The following TRAPPC12 variants were observed in gnomAD, a reference collection of about 807,000 sequenced individuals.
The protein encoded by TRAPPC12 is TPR repeat protein 15.
Under a neutral mutation model 69.2 loss-of-function variants are expected in TRAPPC12, and 61 were observed. The observed-to-expected ratio is 0.88, with a 90% CI of 0.72 to 1.09. The LOEUF (loss-of-function observed/expected upper bound fraction) is 1.09. Ranked by LOEUF, TRAPPC12 falls within the 50% of genes least tolerant of loss-of-function variation. The pLI is 0.00. For synonymous variants in TRAPPC12, 469 were observed against 438.9 expected (o/e 1.07, Z -0.86); for missense variants, 1,101 against 1,016.4 (o/e 1.08, Z -1.13).
rs116024234 is a variant in TRAPPC12, at chr2:3,451,491, A to G, written c.1531-6130A>G. ...AGAGATGAGCTCATGCTGATACCCAATGAAGAACCCAGTTCAGAATTTTCT... is the reference window on the plus strand; with the variant it reads ...AGAGATGAGCTCATGCTGATACCCAGTGAAGAACCCAGTTCAGAATTTTCT... On this transcript the variant is annotated intron_variant, in intron 6 of 11. Transcript: ENST00000324266. Among the ~76,000 whole-genome samples, 530 of 152,244 alleles carry G rather than the reference A, an allele frequency of 3.5e-3. 9 individuals carry two copies. Among genetic ancestry groups the G allele is most frequent in the African/African-American group, 0.012 (505 of 41,562 alleles).
chr2:3,386,723 G>A (rs1484774941), intron 1 of TRAPPC12, among the ~76,000 whole-genome samples: 2 of 152,204 alleles, frequency 1.3e-5, no homozygotes, highest in East Asian at 3.9e-4. Context: ...GGGTAGGGGC[G>A]GACGGCATGG....
chr2:3,479,103 T>C, intron 11 of TRAPPC12, 116 bp from the exon 12 acceptor site: 1 of 1,537,316 alleles, frequency 6.5e-7, no homozygotes, highest in East Asian at 2.3e-5. Context: ...ACCTAGGCTC[T>C]GCCCAGCAGC....
intron 8 of TRAPPC12, 104 bp from the exon 9 acceptor site, chr2:3,465,493 T>C (rs540271172): frequency 4.0e-5 from 31 of 781,666 alleles, no homozygotes; most frequent in Admixed American, 1.7e-4. Flanking sequence ...CGTCAGCGTG[T>C]CCTCTCTCTA....
At chr2:3,418,471 C>A (rs1165888287) in intron 3 of TRAPPC12, among the ~76,000 whole-genome samples, 1 of 152,176 alleles carries the variant, frequency 6.6e-6, no homozygotes, top group South Asian at 2.1e-4. Flanking sequence ...TACTGAGCCA[C>A]GAGGGGCCTA....
intron 3 of TRAPPC12, among the ~76,000 whole-genome samples, chr2:3,408,068 C>A (rs1661827023): frequency 6.6e-6 from 1 of 152,142 alleles, no homozygotes; most frequent in African/African-American, 2.4e-5. Context: ...TCTGCTAGTT[C>A]CACATCACCT....
intron 1 of TRAPPC12, among the ~76,000 whole-genome samples, chr2:3,385,706 G>A (rs967797270): frequency 6.6e-6 from 1 of 152,196 alleles, no homozygotes; most frequent in Admixed American, 6.5e-5. Flanking sequence ...TGAGACGGAG[G>A]GAAGATCCCT....
intron 5 of TRAPPC12, among the ~76,000 whole-genome samples, chr2:3,435,663 G>A (rs2103081833): frequency 6.6e-6 from 1 of 152,310 alleles, no homozygotes; most frequent in South Asian, 2.1e-4. Flanking sequence ...AGTACAAGCA[G>A]GTGTTTGGTC....
intron 5 of TRAPPC12, among the ~76,000 whole-genome samples, chr2:3,433,959 A>C (rs980059320): frequency 6.6e-6 from 1 of 152,094 alleles, no homozygotes; most frequent in African/African-American, 2.4e-5. Context: ...GAAGCCTTGC[A>C]TATTTTATCT....
intron 9 of TRAPPC12, among the ~76,000 whole-genome samples, chr2:3,468,465 G>A (rs1204461261): frequency 2.0e-5 from 3 of 152,042 alleles, no homozygotes; most frequent in South Asian, 2.1e-4. Flanking sequence ...CATCATCGTC[G>A]TGTGTAGATG....
intron 1 of TRAPPC12, 43 bp from the exon 2 acceptor site, chr2:3,387,577 T>A: frequency 3.5e-6 from 5 of 1,426,870 alleles, no homozygotes; most frequent in Non-Finnish European, 4.7e-6. Flanking sequence ...TTGAGGTGAA[T>A]GAAGATCACG....
At chr2:3,387,400 A>ATTT (rs1660542093) in intron 1 of TRAPPC12, among the ~76,000 whole-genome samples, 1 of 152,218 alleles carries the variant, frequency 6.6e-6, no homozygotes, top group Non-Finnish European at 1.5e-5. Context: ...GCAAGATAAA[A>ATTT]AGTGTTCTGG....
At chr2:3,401,095 TC>T (rs1469377411) in intron 2 of TRAPPC12, among the ~76,000 whole-genome samples, 1 of 152,220 alleles carries the variant, frequency 6.6e-6, no homozygotes, top group Non-Finnish European at 1.5e-5. Context: ...ACTGGATTCT[TC>T]CCTGGCTTGC....
intron 9 of TRAPPC12, chr2:3,466,275 G>T (rs1179110972): frequency 2.1e-6 from 1 of 471,232 alleles, no homozygotes; most frequent in Non-Finnish European, 4.4e-6. Flanking sequence ...GGCAGCTTCT[G>T]CCCCTCTCAC....
chr2:3,411,944 C>G (rs1315269969), intron 3 of TRAPPC12, among the ~76,000 whole-genome samples: 2 of 152,052 alleles, frequency 1.3e-5, no homozygotes, highest in Admixed American at 6.6e-5. Flanking sequence ...TAAAAAAATT[C>G]TAATTTTTTT....
intron 6 of TRAPPC12, among the ~76,000 whole-genome samples, chr2:3,450,926 C>T (rs960713115): frequency 6.6e-6 from 1 of 152,168 alleles, no homozygotes; most frequent in Non-Finnish European, 1.5e-5. Context: ...AGGCTCCTTC[C>T]TCAAGGCCCC....
intron 3 of TRAPPC12, among the ~76,000 whole-genome samples, chr2:3,408,659 A>G (rs953116410): frequency 2.6e-5 from 4 of 152,130 alleles, no homozygotes; most frequent in Non-Finnish European, 4.4e-5. Context: ...AATAATAACA[A>G]TAAAGTACAT....
At chr2:3,477,829 A>C in intron 10 of TRAPPC12, 34 bp downstream of exon 10, 46 of 1,495,808 alleles carry the variant, frequency 3.1e-5, no homozygotes, top group Non-Finnish European at 3.9e-5. Flanking sequence ...ATGTTTTCTC[A>C]AATTTCCCAG....
chr2:3,449,273 T>C (rs1232349340), intron 6 of TRAPPC12: 1 of 152,300 alleles, frequency 6.6e-6, no homozygotes, highest in Non-Finnish European at 1.5e-5. Flanking sequence ...TTTGCATAAG[T>C]AGACATAATC....
intron 8 of TRAPPC12, chr2:3,460,661 C>A (rs1197148119): frequency 3.4e-6 from 1 of 295,600 alleles, no homozygotes. Flanking sequence ...CCTTTGTTCT[C>A]CCTATCTTCG....
Sources: gnomAD v4.1 joint callset for allele counts (sites outside exome capture counted in the v4.1 genomes callset) on GRCh38, gnomAD v4.1.1 for gene constraint, MANE v1.5 for transcripts, NCBI Gene and HGNC (gene_info 2026-07-23, HGNC 2026-07-21) for gene names.